Variants in OCM observed in about 807,000 individuals in gnomAD.
OCM encodes oncomodulin.
In OCM, 18 loss-of-function variants were observed where a neutral mutation model predicts 14.1. The ratio of observed to expected loss-of-function variants is 1.28; its 90% CI spans 0.88 to 1.89. The LOEUF (loss-of-function observed/expected upper bound fraction) is 1.89. Among genes scored for constraint, OCM ranks in the 40% most tolerant of loss-of-function variants. The pLI is 0.00. For missense variants in OCM, 140 were observed against 137.6 expected, an observed-to-expected ratio of 1.02 and a Z score of -0.09; for synonymous variants, 48 against 51.0, an observed-to-expected ratio of 0.94 and a Z score of 0.25.
intron 3 of OCM, among the ~76,000 whole-genome samples, chr7:5,885,445 C>A (rs1781311600): frequency 6.6e-6 from 1 of 152,086 alleles, no homozygotes. Context: ...CCACTGAATT[C>A]ATGCATTATC....
chr7:5,869,189 G>T, the OCM span, among the ~76,000 whole-genome samples: 1 of 152,190 alleles, frequency 6.6e-6, no homozygotes, highest in South Asian at 2.1e-4. Flanking sequence ...AAAGAGAGAA[G>T]AGAGGAACTC....
upstream of OCM, among the ~76,000 whole-genome samples, chr7:5,878,789 G>A (rs1050541864): frequency 5.4e-5 from 8 of 148,998 alleles, no homozygotes; most frequent in Non-Finnish European, 1.2e-4. Context: ...TATACTTTAT[G>A]GAATGTGGTT....
chr7:5,863,305 G>T, the OCM span, among the ~76,000 whole-genome samples: 2 of 152,036 alleles, frequency 1.3e-5, no homozygotes, highest in Non-Finnish European at 2.9e-5. Flanking sequence ...TTCCTCCCGG[G>T]CGTGTCCTCA....
upstream of OCM, among the ~76,000 whole-genome samples, chr7:5,878,702 A>G (rs958585036): frequency 1.3e-5 from 2 of 151,652 alleles, no homozygotes; most frequent in Admixed American, 6.6e-5. Flanking sequence ...AGCCAAGATC[A>G]TGTCACTGCA....
At chr7:5,866,426 GA>G in the OCM span, among the ~76,000 whole-genome samples, 1 of 102,144 alleles carries the variant, frequency 9.8e-6, no homozygotes, top group African/African-American at 4.2e-5. Context: ...GAGAAGGAGG[GA>G]GGGGGAAGAC....
intron 2 of OCM, 50 bp from the exon 3 acceptor site, chr7:5,883,838 CAG>C (rs1447874968): frequency 2.4e-5 from 38 of 1,608,092 alleles, no homozygotes; most frequent in Non-Finnish European, 2.8e-5. Flanking sequence ...AGTGTAAACA[CAG>C]AGATGCATGA....
chr7:5,874,429 A>G, the OCM span, among the ~76,000 whole-genome samples: 2 of 152,110 alleles, frequency 1.3e-5, no homozygotes, highest in African/African-American at 4.8e-5. Flanking sequence ...CATTATGCAT[A>G]TGCAACATAT....
the OCM span, among the ~76,000 whole-genome samples, chr7:5,873,486 C>T: frequency 6.6e-6 from 1 of 152,156 alleles, no homozygotes; most frequent in Middle Eastern, 3.4e-3. Flanking sequence ...ACTGCTCAAG[C>T]CCAGGAGCCT....
the OCM span, among the ~76,000 whole-genome samples, chr7:5,860,436 TGTATATATACGTGTATGTATATTATTAC>T: frequency 7.1e-6 from 1 of 141,782 alleles, no homozygotes. Flanking sequence ...TATATATGCG[TGTATATATACGTGTATGTATATTATTAC>T]GTATATATAC....
the OCM span, among the ~76,000 whole-genome samples, chr7:5,868,436 C>G: frequency 6.6e-6 from 1 of 152,098 alleles, no homozygotes; most frequent in Non-Finnish European, 1.5e-5. Context: ...TGTGAGCCAC[C>G]GCGCCCGGCC....
the OCM span, among the ~76,000 whole-genome samples, chr7:5,866,407 A>AG: frequency 0.033 from 2,772 of 83,780 alleles, 112 homozygotes; most frequent in African/African-American, 0.12. Context: ...GAAAGAAGGA[A>AG]GGGGGGGAGA....
rs528986024 is a variant in OCM, at chr7:5,884,435, G to A, written c.304+436G>A. Among the ~76,000 whole-genome samples the A allele has an allele frequency of 7.2e-5, 11 of 152,248 alleles. No individual in the cohort carries two copies. In the East Asian group the frequency reaches 2.1e-3, roughly 29 times the overall value. On this transcript the variant is annotated intron_variant, in intron 3 of 3. Transcript: ENST00000242104. Reference sequence around the variant, plus strand: ...GTAGGAAGCCCTCTTCGTCTTCAAGGGTTTAGACAAATATATTTTATTGGA... The same window carrying A: ...GTAGGAAGCCCTCTTCGTCTTCAAGAGTTTAGACAAATATATTTTATTGGA...
chr7:5,869,482 C>T, the OCM span, among the ~76,000 whole-genome samples: 1 of 152,124 alleles, frequency 6.6e-6, no homozygotes. Flanking sequence ...CCTGTAGTCC[C>T]CGCTACTCAG....
At chr7:5,865,531 G>A in the OCM span, among the ~76,000 whole-genome samples, 3 of 151,912 alleles carry the variant, frequency 2.0e-5, no homozygotes, top group East Asian at 5.8e-4. Flanking sequence ...ATTTATGGTG[G>A]CCATCCCATT....
intron 3 of OCM, among the ~76,000 whole-genome samples, chr7:5,885,684 C>T (rs1168867800): frequency 6.7e-6 from 1 of 149,272 alleles, no homozygotes; most frequent in African/African-American, 2.5e-5. Context: ...GATTTCGGCT[C>T]ACTGCAACCT....
At chr7:5,866,091 G>C in the OCM span, among the ~76,000 whole-genome samples, 2 of 151,718 alleles carry the variant, frequency 1.3e-5, no homozygotes, top group African/African-American at 4.8e-5. Context: ...GAGGCTGAAG[G>C]AGGAGGATTA....
the OCM span, among the ~76,000 whole-genome samples, chr7:5,865,177 G>GC: frequency 6.6e-6 from 1 of 151,764 alleles, no homozygotes; most frequent in African/African-American, 2.4e-5. Flanking sequence ...CAGCGTCGGG[G>GC]CCGACGAGTA....
the OCM span, among the ~76,000 whole-genome samples, chr7:5,865,130 C>T: frequency 1.8e-4 from 27 of 152,304 alleles, no homozygotes; most frequent in East Asian, 5.2e-3. Flanking sequence ...TCCAGTCACC[C>T]TGAGCCCCAC....
At chr7:5,867,284 C>T in the OCM span, among the ~76,000 whole-genome samples, 6 of 152,056 alleles carry the variant, frequency 3.9e-5, no homozygotes, top group Non-Finnish European at 7.4e-5. Context: ...TCAAGACAAG[C>T]CTGGGCAACA....
Sources: allele counts gnomAD v4.1 joint callset (sites outside exome capture counted in the v4.1 genomes callset), GRCh38; gene constraint gnomAD v4.1.1; transcripts MANE v1.5; gene names NCBI Gene and HGNC (gene_info 2026-07-23, HGNC 2026-07-21).